Variants in TRPC4 observed in about 807,000 individuals in gnomAD.
The protein encoded by TRPC4 is short transient receptor potential channel 4.
TRPC4 carries 49 observed loss-of-function variants against 99.4 expected under a neutral mutation model. The ratio of observed to expected loss-of-function variants is 0.49; its 90% CI spans 0.39 to 0.63. The LOEUF (loss-of-function observed/expected upper bound fraction) is 0.63. Ranked by LOEUF, TRPC4 falls within the 20% of genes least tolerant of loss-of-function variation. The probability of loss-of-function intolerance (pLI) is 0.00; values close to 1 mark genes in which losing one functional copy is unlikely to be tolerated. For synonymous variants in TRPC4, 454 were observed against 425.9 expected (o/e 1.07, Z -0.81); for missense variants, 898 against 1,152.9 (o/e 0.78, Z 3.20).
At chr13:37,741,216 A>G (rs114502459) in intron 3 of TRPC4, among the ~76,000 whole-genome samples, 4,722 of 152,286 alleles carry the variant, frequency 0.031, 249 homozygotes, top group African/African-American at 0.11. Context: ...TGTAAAAAAT[A>G]GTTAAGAAAT....
chr13:37,783,293 T>A lies in TRPC4; in HGVS notation c.41A>T (p.Tyr14Phe), dbSNP rs1003174918. 2 of 1,599,086 alleles carry A rather than the reference T, an allele frequency of 1.3e-6. No individual in the cohort carries two copies. The highest frequency in any genetic ancestry group is 1.7e-6 in the Non-Finnish European group (2 of 1,174,518). The stretch of plus-strand genomic sequence containing the variant: ...TATCCTTAGAGGGATGCGGTCTCTA[T>A]AGGGAGCATTAACATTTCTTTTGTA... The part of the protein sequence containing the change: ...FYYKRNVNAP[Y>F]RDRIPLRIVR... The change falls in exon 2 of 11, where the codon TAT becomes TTT. Residue 14 changes from tyrosine (Y) to phenylalanine (F), a missense_variant. Physicochemically the swap from Tyr to Phe is conservative, Grantham distance 22. Transcript: ENST00000379705.
intron 3 of TRPC4, among the ~76,000 whole-genome samples, chr13:37,705,908 T>C (rs1448248362): frequency 6.6e-6 from 1 of 152,166 alleles, no homozygotes; most frequent in East Asian, 1.9e-4. Flanking sequence ...TATAGTATAC[T>C]GATACATTTG....
intron 1 of TRPC4, among the ~76,000 whole-genome samples, chr13:37,818,816 T>C (rs1037064555): frequency 1.3e-5 from 2 of 151,620 alleles, no homozygotes; most frequent in South Asian, 2.1e-4. Flanking sequence ...TTGGGGGCCA[T>C]TGAAGAGATA....
intron 3 of TRPC4, among the ~76,000 whole-genome samples, chr13:37,703,426 A>C (rs552646068): frequency 1.3e-5 from 2 of 152,150 alleles, no homozygotes; most frequent in African/African-American, 2.4e-5. Context: ...ACCAAAAAAA[A>C]CCAGTGTTTT....
intron 5 of TRPC4, among the ~76,000 whole-genome samples, chr13:37,664,579 G>A (rs1311521128): frequency 2.4e-4 from 36 of 149,684 alleles, no homozygotes; most frequent in Non-Finnish European, 2.2e-4. Flanking sequence ...CATCTCAAAA[G>A]AAAAAAAAAG....
chr13:37,722,153 T>C (rs1954889752), intron 3 of TRPC4, among the ~76,000 whole-genome samples: 1 of 152,206 alleles, frequency 6.6e-6, no homozygotes, highest in Non-Finnish European at 1.5e-5. Flanking sequence ...TGTTTAAAGT[T>C]ACACAGTAGT....
intron 1 of TRPC4, among the ~76,000 whole-genome samples, chr13:37,832,284 G>A (rs1222828960): frequency 1.3e-5 from 2 of 152,218 alleles, no homozygotes; most frequent in Non-Finnish European, 2.9e-5. Flanking sequence ...GCTGTAGCCT[G>A]TAATCCCAGC....
At chr13:37,801,118 C>T (rs1957388981) in intron 1 of TRPC4, among the ~76,000 whole-genome samples, 1 of 151,774 alleles carries the variant, frequency 6.6e-6, no homozygotes, top group Admixed American at 6.6e-5. Context: ...TTATTTTTGC[C>T]ATAAATAAAA....
chr13:37,674,834 G>C (rs951911248), intron 4 of TRPC4, among the ~76,000 whole-genome samples: 4 of 152,140 alleles, frequency 2.6e-5, no homozygotes, highest in African/African-American at 9.7e-5. Flanking sequence ...AGTGCCTTCA[G>C]AGACCGGACT....
intron 4 of TRPC4, among the ~76,000 whole-genome samples, chr13:37,687,948 A>G (rs1397999388): frequency 6.6e-6 from 1 of 152,220 alleles, no homozygotes; most frequent in Non-Finnish European, 1.5e-5. Context: ...TTACTCATCT[A>G]TTGAGAGTTC....
At chr13:37,841,683 C>A (rs1958733558) in intron 1 of TRPC4, among the ~76,000 whole-genome samples, 1 of 151,602 alleles carries the variant, frequency 6.6e-6, no homozygotes, top group South Asian at 2.1e-4. Context: ...CAAAATAATG[C>A]CACAATGAGA....
intron 8 of TRPC4, among the ~76,000 whole-genome samples, chr13:37,641,931 G>A (rs9603241): frequency 0.24 from 37,042 of 151,972 alleles, 5,252 homozygotes; most frequent in East Asian, 0.7. Flanking sequence ...TGACTTAATA[G>A]CCTTTTAAAA....
chr13:37,661,222 T>G (rs1421393835), intron 6 of TRPC4, among the ~76,000 whole-genome samples: 3 of 152,200 alleles, frequency 2.0e-5, no homozygotes, highest in Non-Finnish European at 4.4e-5. Flanking sequence ...ATATTTGATT[T>G]TGGAATAAAA....
chr13:37,663,326 C>T lies in TRPC4; in HGVS notation c.1688+90G>A. On this transcript the variant is annotated intron_variant, in intron 6 of 10. Transcript: ENST00000379705. The stretch of plus-strand genomic sequence containing the variant: ...CAATTTTAGTTCCCCATTTTCTTTA[C>T]AACCATTTGTCATAGGTTTTTCAAG... 3 of 1,280,706 alleles carry T rather than the reference C, an allele frequency of 2.3e-6. 1 individual carries two copies. The highest frequency in any genetic ancestry group is 3.2e-5 in the South Asian group (2 of 61,784). The allele number at this position is 1,280,706 out of a possible 1,614,324, so 79.3% of individuals were successfully genotyped here.
intron 1 of TRPC4, among the ~76,000 whole-genome samples, chr13:37,802,893 G>A (rs1957439858): frequency 6.6e-6 from 1 of 151,976 alleles, no homozygotes; most frequent in African/African-American, 2.4e-5. Context: ...TATTCTAAGG[G>A]TGATTTTCTA....
chr13:37,646,269 T>C (rs1471223376), intron 8 of TRPC4, among the ~76,000 whole-genome samples: 1 of 152,166 alleles, frequency 6.6e-6, no homozygotes, highest in Non-Finnish European at 1.5e-5. Context: ...CCTGTTCTTC[T>C]CACCATGTGC....
intron 6 of TRPC4, 113 bp downstream of exon 6, chr13:37,663,303 A>C (rs1227271585): frequency 1.9e-6 from 2 of 1,037,138 alleles, no homozygotes; most frequent in Non-Finnish European, 2.7e-6. Flanking sequence ...ATTAAGCACA[A>C]TTTTAGTTCC....
intron 1 of TRPC4, among the ~76,000 whole-genome samples, chr13:37,856,031 T>C (rs192051921): frequency 6.6e-6 from 1 of 150,846 alleles, no homozygotes; most frequent in East Asian, 1.9e-4. Context: ...ATAATAAAGA[T>C]CAGACAAGAT....
At chr13:37,803,420 T>C (rs531075335) in intron 1 of TRPC4, among the ~76,000 whole-genome samples, 2 of 152,090 alleles carry the variant, frequency 1.3e-5, no homozygotes, top group African/African-American at 4.8e-5. Context: ...TTATTTTTTT[T>C]CCCATCTATT....
Sources: allele counts gnomAD v4.1 joint callset (sites outside exome capture counted in the v4.1 genomes callset), GRCh38; gene constraint gnomAD v4.1.1; transcripts MANE v1.5; gene names NCBI Gene and HGNC (gene_info 2026-07-23, HGNC 2026-07-21).